The following CAST variants were observed in gnomAD, a reference collection of about 807,000 sequenced individuals.
The protein encoded by CAST is calpastatin.
Under a neutral mutation model 119.6 loss-of-function variants are expected in CAST, and 76 were observed. The ratio of observed to expected loss-of-function variants is 0.64; its 90% CI spans 0.53 to 0.77. The LOEUF (loss-of-function observed/expected upper bound fraction) is 0.77. Among genes scored for constraint, CAST ranks in the 30% least tolerant of loss-of-function variants. CAST has a pLI of 0.00. For missense variants in CAST, 953 were observed against 946.5 expected, an observed-to-expected ratio of 1.01 and a Z score of -0.09; for synonymous variants, 319 against 331.6, an observed-to-expected ratio of 0.96 and a Z score of 0.41.
chr5:96,263,506 A>G, the CAST span, among the ~76,000 whole-genome samples: 1 of 152,136 alleles, frequency 6.6e-6, no homozygotes, highest in African/African-American at 2.4e-5. Context: ...CCATTCAACA[A>G]TCACCTGTTG....
At chr5:96,379,150 C>G in the CAST span, among the ~76,000 whole-genome samples, 2 of 152,176 alleles carry the variant, frequency 1.3e-5, no homozygotes, top group African/African-American at 4.8e-5. Context: ...GCTTTTGATA[C>G]CAGTGAATGT....
At chr5:96,759,060 A>AT (rs1767049847) in intron 24 of CAST, among the ~76,000 whole-genome samples, 1 of 152,202 alleles carries the variant, frequency 6.6e-6, no homozygotes, top group African/African-American at 2.4e-5. Context: ...CTTCAAAGAT[A>AT]TGTAGCAGTG....
chr5:96,713,818 T>C, intron 3 of CAST, among the ~76,000 whole-genome samples: 1 of 151,920 alleles, frequency 6.6e-6, no homozygotes, highest in East Asian at 1.9e-4. Context: ...CTACTAAAAA[T>C]ACAAAAATTA....
intron 1 of CAST, among the ~76,000 whole-genome samples, chr5:96,592,258 A>G (rs76181283): frequency 6.6e-6 from 1 of 151,834 alleles, no homozygotes; most frequent in Non-Finnish European, 1.5e-5. Context: ...GGGATTGGCC[A>G]GGTGTGGTGA....
At chr5:96,060,410 G>A in the CAST span, among the ~76,000 whole-genome samples, 3 of 152,144 alleles carry the variant, frequency 2.0e-5, no homozygotes, top group African/African-American at 7.2e-5. Flanking sequence ...AGATTCAGGT[G>A]CTTGTCACAA....
At chr5:96,296,333 C>T in the CAST span, among the ~76,000 whole-genome samples, 1 of 152,172 alleles carries the variant, frequency 6.6e-6, no homozygotes, top group African/African-American at 2.4e-5. Context: ...AAATTGATGT[C>T]TGTTAAGTCC....
the CAST span, chr5:96,319,002 G>A: frequency 1.3e-5 from 2 of 152,156 alleles, no homozygotes; most frequent in Non-Finnish European, 2.9e-5. Flanking sequence ...AATTTATAAA[G>A]AAAAGACATT....
At chr5:96,150,500 C>T in the CAST span, among the ~76,000 whole-genome samples, 1 of 152,126 alleles carries the variant, frequency 6.6e-6, no homozygotes, top group African/African-American at 2.4e-5. Context: ...AGAACGCTGT[C>T]CTGTGTTTCC....
At chr5:96,430,011 G>T in the CAST span, among the ~76,000 whole-genome samples, 1 of 152,170 alleles carries the variant, frequency 6.6e-6, no homozygotes, top group African/African-American at 2.4e-5. Context: ...ACTATCTATG[G>T]TCAGTGCCAC....
chr5:96,751,491 T>C (rs1040466806), intron 20 of CAST, among the ~76,000 whole-genome samples: 5 of 152,140 alleles, frequency 3.3e-5, no homozygotes, highest in African/African-American at 4.8e-5. Context: ...GAGCCTCAGT[T>C]GAGATGAAAG....
intron 1 of CAST, among the ~76,000 whole-genome samples, chr5:96,549,280 G>A (rs1746080367): frequency 6.6e-6 from 1 of 152,132 alleles, no homozygotes; most frequent in Admixed American, 6.5e-5. Context: ...GGCATACAAT[G>A]AATTAGGCAT....
At chr5:96,345,750 A>AG in the CAST span, among the ~76,000 whole-genome samples, 1 of 152,114 alleles carries the variant, frequency 6.6e-6, no homozygotes, top group Non-Finnish European at 1.5e-5. Flanking sequence ...CTGTTGGACT[A>AG]GGGACTTCAG....
the CAST span, among the ~76,000 whole-genome samples, chr5:96,190,073 G>GT: frequency 6.6e-6 from 1 of 152,108 alleles, no homozygotes; most frequent in Non-Finnish European, 1.5e-5. Context: ...TTGATAGGTA[G>GT]TTTCTTTCTC....
At chr5:96,327,511 A>T in the CAST span, among the ~76,000 whole-genome samples, 1 of 152,222 alleles carries the variant, frequency 6.6e-6, no homozygotes, top group Non-Finnish European at 1.5e-5. Context: ...TTAATTCATG[A>T]TTTACAAATA....
the CAST span, among the ~76,000 whole-genome samples, chr5:96,177,709 A>G: frequency 8.5e-5 from 13 of 152,340 alleles, no homozygotes; most frequent in Admixed American, 4.6e-4. Flanking sequence ...ATCTCTTAGA[A>G]AAAGGAGGAA....
chr5:96,765,090 T>TGCCCCA (rs1394574592), intron 25 of CAST, 131 bp from the exon 26 acceptor site: 4 of 668,358 alleles, frequency 6.0e-6, no homozygotes, highest in Admixed American at 2.4e-5. Flanking sequence ...TCTACTCCCC[T>TGCCCCA]GCCCCAGCCC....
chr5:96,107,236 A>C, the CAST span, among the ~76,000 whole-genome samples: 1 of 151,764 alleles, frequency 6.6e-6, no homozygotes, highest in African/African-American at 2.4e-5. Flanking sequence ...TAAAGTTAAT[A>C]TTGTTATGTG....
the CAST span, among the ~76,000 whole-genome samples, chr5:96,328,867 CA>C: frequency 6.6e-6 from 1 of 152,170 alleles, no homozygotes; most frequent in Admixed American, 6.6e-5. Flanking sequence ...CAGACCCCTC[CA>C]GTTTCCATCT....
chr5:96,393,508 A>C, the CAST span: 77 of 1,088,938 alleles, frequency 7.1e-5, no homozygotes, highest in Non-Finnish European at 9.4e-5. Context: ...AGAGAGTTCA[A>C]GACTGGGAGC....
Sources: gnomAD v4.1 joint callset for allele counts (sites outside exome capture counted in the v4.1 genomes callset) on GRCh38, gnomAD v4.1.1 for gene constraint, MANE v1.5 for transcripts, NCBI Gene and HGNC (gene_info 2026-07-23, HGNC 2026-07-21) for gene names.